The following LRRC17 variants were observed in gnomAD, a reference collection of about 807,000 sequenced individuals.
LRRC17 encodes the protein leucine-rich repeat-containing protein 17.
Under a neutral mutation model 41.5 loss-of-function variants are expected in LRRC17, and 33 were observed. That is an observed-to-expected ratio of 0.80 (90% confidence interval 0.60 to 1.06). The LOEUF (loss-of-function observed/expected upper bound fraction) is 1.06, where lower values mean the gene tolerates loss of function less well. Among genes scored for constraint, LRRC17 ranks in the 50% least tolerant of loss-of-function variants. The probability of loss-of-function intolerance (pLI) is 0.00; values close to 1 mark genes in which losing one functional copy is unlikely to be tolerated. For missense variants in LRRC17, 491 were observed against 519.3 expected (o/e 0.95, Z 0.53); for synonymous variants, 192 against 197.0 (o/e 0.97, Z 0.21).
intron 3 of LRRC17, 101 bp from the exon 4 acceptor site, chr7:102,944,109 G>A (rs1821996715): frequency 2.2e-6 from 2 of 908,584 alleles, no homozygotes; most frequent in African/African-American, 1.7e-5. Flanking sequence ...TTTCAAAGGG[G>A]AAAATTAAGC....
At chr7:102,925,084 T>G (rs1817857848) in intron 1 of LRRC17, among the ~76,000 whole-genome samples, 1 of 152,216 alleles carries the variant, frequency 6.6e-6, no homozygotes, top group Non-Finnish European at 1.5e-5. Context: ...ATACCCTTCC[T>G]AACTGGCCTT....
chr7:102,932,084 G>GA (rs1428064858), intron 1 of LRRC17: 25 of 632,758 alleles, frequency 4.0e-5, no homozygotes, highest in Middle Eastern at 7.1e-4. Flanking sequence ...TCTTTCCCCA[G>GA]AAAAATGGCT....
chr7:102,923,296 A>G (rs969755795), intron 1 of LRRC17, among the ~76,000 whole-genome samples: 1 of 152,212 alleles, frequency 6.6e-6, no homozygotes, highest in Non-Finnish European at 1.5e-5. Flanking sequence ...CAACTGAACA[A>G]TAAATCAAGC....
chr7:102,934,097 G>A lies in LRRC17; in HGVS notation c.184G>A (p.Glu62Lys), dbSNP rs749093138. The change falls in exon 2 of 4, where the codon GAG becomes AAG. Residue 62 changes from glutamate (E) to lysine (K), a missense_variant. By Grantham distance (56) the Glu-to-Lys change is moderately conservative. Transcript: ENST00000339431. ...GTGTGACGTGTACACATATCTCCATGAGAAATACTTAGATTGTCAAGAAAG... is the reference window on the plus strand; with the variant it reads ...GTGTGACGTGTACACATATCTCCATAAGAAATACTTAGATTGTCAAGAAAG... ...LPCDVYTYLHEKYLDCQERKL... is the reference protein window; with the variant it reads ...LPCDVYTYLHKKYLDCQERKL... 1.9e-6 allele frequency: 3 copies of A among 1,614,144 alleles called. No individual in the cohort carries two copies. The highest frequency in any genetic ancestry group is 2.5e-6 in the Non-Finnish European group (3 of 1,179,994).
chr7:102,943,538 A>G (rs1821878306), intron 3 of LRRC17, among the ~76,000 whole-genome samples: 1 of 152,206 alleles, frequency 6.6e-6, no homozygotes. Context: ...GGTAGTAACG[A>G]AAGAAACACT....
At position 102,934,688 on chromosome 7, in the gene LRRC17, T is replaced by C. The variant is rs1457093503; in HGVS notation, c.772+3T>C. The C allele has an allele frequency of 5.1e-6, 8 of 1,573,440 alleles. No homozygotes were observed. Among genetic ancestry groups the C allele is most frequent in the Non-Finnish European group, 6.9e-6 (8 of 1,166,172 alleles). On this transcript the variant is annotated splice_donor_region_variant and intron_variant, in intron 2 of 3. Transcript: ENST00000339431. Reference sequence around the variant, plus strand: ...AACACTGGACTGCAAAAGGAAAGGTTTGTACTTTTCTTACTTTTTCATTTT... The same window carrying C: ...AACACTGGACTGCAAAAGGAAAGGTCTGTACTTTTCTTACTTTTTCATTTT...
chr7:102,927,202 C>T (rs765955181), intron 1 of LRRC17, among the ~76,000 whole-genome samples: 4 of 152,166 alleles, frequency 2.6e-5, no homozygotes, highest in South Asian at 2.1e-4. Context: ...TAAAATACAA[C>T]GAGTAGCAGC....
intron 1 of LRRC17, chr7:102,926,456 TCCTGTTC>T: frequency 9.5e-7 from 1 of 1,056,940 alleles, no homozygotes; most frequent in Admixed American, 2.6e-5. Flanking sequence ...TTATCCCTCT[TCCTGTTC>T]CAGAAAAAAA....
chr7:102,916,258 A>C (rs1337808392), intron 1 of LRRC17, among the ~76,000 whole-genome samples: 1 of 152,134 alleles, frequency 6.6e-6, no homozygotes, highest in Non-Finnish European at 1.5e-5. Context: ...AAGTGCTGGG[A>C]TTATAGGCAT....
chr7:102,932,556 T>A (rs1819396138), intron 1 of LRRC17, among the ~76,000 whole-genome samples: 1 of 678 alleles, frequency 1.5e-3, no homozygotes, highest in African/African-American at 1.7e-3. Flanking sequence ...ACAGAATAGT[T>A]GACATACAGA....
chr7:102,932,724 T>G (rs1418308160), intron 1 of LRRC17, among the ~76,000 whole-genome samples: 1 of 152,058 alleles, frequency 6.6e-6, no homozygotes, highest in African/African-American at 2.4e-5. Context: ...CAACCCCTAC[T>G]GTCATTCCCA....
rs74341191 is a variant in LRRC17 at position 102,939,272 on chromosome 7, G to A, written c.773-158G>A. Reference sequence around the variant, plus strand: ...TTGCTGGGCTTTGATGGAATTTAGCGTATGCTAAGGCTTGTTTCATACTAA... The same window carrying A: ...TTGCTGGGCTTTGATGGAATTTAGCATATGCTAAGGCTTGTTTCATACTAA... On this transcript the variant is annotated intron_variant, in intron 2 of 3. Coordinates refer to ENST00000339431, the MANE Select transcript of LRRC17 (RefSeq NM_001031692.3). 5.3e-5 allele frequency among the ~76,000 whole-genome samples: 8 copies of A among 152,204 alleles called. No homozygotes were observed. The East Asian group carries it at 1.2e-3, about 22-fold the overall frequency.
At position 102,939,496 on chromosome 7, in the gene LRRC17, TC is replaced by T. The variant is rs780310928; in HGVS notation, c.840del (p.Asn281ThrfsTer14). ...AAACTTGACTTGTCATACAATAAAA[TC>T]AACCAACTTCGACCCAAGGAATTTG... ...IVKLDLSYNKINQLRPKEFED... is the reference protein window; with the variant it reads ...IVKLDLSYNKXNQLRPKEFED... On this transcript the variant is annotated frameshift_variant, in exon 3 of 4. Transcript: ENST00000339431. LOFTEE classifies it high-confidence loss of function. The T allele has an allele frequency of 6.2e-7, 1 of 1,613,852 alleles. No homozygotes were observed. The highest frequency in any genetic ancestry group is 1.3e-5 in the African/African-American group (1 of 74,910).
intron 1 of LRRC17, among the ~76,000 whole-genome samples, chr7:102,921,670 A>T (rs1380884646): frequency 6.6e-6 from 1 of 152,140 alleles, no homozygotes; most frequent in Non-Finnish European, 1.5e-5. Flanking sequence ...ACAGAGCAAG[A>T]TTCCATCTCA....
chr7:102,936,782 C>A (rs1820388872), intron 2 of LRRC17, among the ~76,000 whole-genome samples: 1 of 148,098 alleles, frequency 6.8e-6, no homozygotes, highest in South Asian at 2.2e-4. Flanking sequence ...ACCATCTATA[C>A]AAGATTTAAA....
intron 1 of LRRC17, chr7:102,932,027 A>G: frequency 6.9e-6 from 8 of 1,151,184 alleles, no homozygotes; most frequent in Non-Finnish European, 9.9e-6. Flanking sequence ...TATTCATTAG[A>G]AAACAAACAA....
chr7:102,914,175 C>T (rs890897375), intron 1 of LRRC17, among the ~76,000 whole-genome samples: 3 of 152,182 alleles, frequency 2.0e-5, no homozygotes, highest in South Asian at 2.1e-4. Context: ...CTGGTTCAAG[C>T]GATTCTCCTG....
At position 102,944,618 on chromosome 7, in the gene LRRC17, G is replaced by A. The variant is rs1319602628; in HGVS notation, c.*11G>A. The A allele has an allele frequency of 1.7e-5, 26 of 1,570,074 alleles. No homozygotes were observed. The highest frequency in any genetic ancestry group is 2.1e-5 in the Non-Finnish European group (25 of 1,163,618). ...ACTATAGTAGGATAAGGTAGAAATT[G>A]TTCTGATTGTAATTAGTTTTGTATT... On this transcript the variant is annotated 3_prime_UTR_variant, in exon 4 of 4. Coordinates refer to ENST00000339431, the MANE Select transcript of LRRC17 (RefSeq NM_001031692.3).
At chr7:102,942,305 A>G in intron 3 of LRRC17, 1 of 1,599,452 alleles carries the variant, frequency 6.3e-7, no homozygotes, top group Non-Finnish European at 8.5e-7. Flanking sequence ...TTGAGATGAA[A>G]CCCTGCAAGT....
Sources: allele counts gnomAD v4.1 joint callset (sites outside exome capture counted in the v4.1 genomes callset), GRCh38; gene constraint gnomAD v4.1.1; transcripts MANE v1.5; gene names NCBI Gene and HGNC (gene_info 2026-07-23, HGNC 2026-07-21).